KCNC2: variants seen among roughly 807,000 people sequenced by gnomAD.
KCNC2 encodes potassium voltage-gated channel subfamily C member 2.
KCNC2 carries 21 observed loss-of-function variants against 44.5 expected under a neutral mutation model. That is an observed-to-expected ratio of 0.47 (90% CI 0.33 to 0.68). The LOEUF (loss-of-function observed/expected upper bound fraction) is 0.68. KCNC2 is among the 30% of genes least tolerant of loss of function. The pLI is 0.01. For missense variants in KCNC2, 589 were observed against 826.2 expected (o/e 0.71, Z 3.52); for synonymous variants, 391 against 339.1 (o/e 1.15, Z -1.68).
intron 2 of KCNC2, among the ~76,000 whole-genome samples, chr12:75,113,800 C>T (rs920964828): frequency 3.9e-5 from 6 of 152,126 alleles, no homozygotes; most frequent in Non-Finnish European, 7.4e-5. Context: ...TGTCCATGTC[C>T]TTTACAGGGC....
chr12:75,115,961 A>G (rs1295481827), intron 2 of KCNC2, among the ~76,000 whole-genome samples: 1 of 152,154 alleles, frequency 6.6e-6, no homozygotes, highest in African/African-American at 2.4e-5. Flanking sequence ...CGCAGCAACT[A>G]TAATTTATTT....
chr12:75,190,846 A>G (rs2030135262), intron 2 of KCNC2, among the ~76,000 whole-genome samples: 1 of 152,054 alleles, frequency 6.6e-6, no homozygotes, highest in Non-Finnish European at 1.5e-5. Flanking sequence ...ATTACAAATT[A>G]TATGTATATA....
At chr12:75,176,419 A>G (rs938665485) in intron 2 of KCNC2, among the ~76,000 whole-genome samples, 8 of 151,940 alleles carry the variant, frequency 5.3e-5, no homozygotes, top group Non-Finnish European at 7.4e-5. Flanking sequence ...CACCTAAATC[A>G]GAGTAAAAGT....
In KCNC2 at chr12:75,043,207, C is replaced by A. The variant is rs113788635; in HGVS notation, c.1815G>T (p.Ala605=). 1 of 1,612,188 alleles carries A rather than the reference C, an allele frequency of 6.2e-7. No homozygotes were observed. The highest frequency in any genetic ancestry group is 1.1e-5 in the South Asian group (1 of 91,058). The change falls in exon 5 of 5, where the codon GCG becomes GCT. Residue 605 remains alanine, a synonymous_variant. Transcript: ENST00000549446. ...GCCTCAGAGCATTGCCTGCCAAGCC[C>A]GCTATGTTGTTTAAGCTTCGGGATT... The part of the protein sequence containing the change: ...YEKSRSLNNI[A]GLAGNALRLS...
chr12:75,164,762 T>C (rs1450380190), intron 2 of KCNC2, among the ~76,000 whole-genome samples: 1 of 151,762 alleles, frequency 6.6e-6, no homozygotes, highest in Non-Finnish European at 1.5e-5. Flanking sequence ...GAAAGGTACC[T>C]GGAGTTTTCT....
At chr12:75,166,046 G>A (rs895315861) in intron 2 of KCNC2, among the ~76,000 whole-genome samples, 1 of 151,226 alleles carries the variant, frequency 6.6e-6, no homozygotes, top group Non-Finnish European at 1.5e-5. Context: ...AAAGTTGAAA[G>A]TAAAGAATGG....
intron 2 of KCNC2, among the ~76,000 whole-genome samples, chr12:75,131,332 T>G (rs1221647553): frequency 6.6e-6 from 1 of 152,144 alleles, no homozygotes; most frequent in East Asian, 1.9e-4. Flanking sequence ...TTCCTTACAC[T>G]TAGCAAAAGC....
chr12:75,074,348 T>C (rs1450383246), intron 2 of KCNC2, among the ~76,000 whole-genome samples: 1 of 151,528 alleles, frequency 6.6e-6, no homozygotes, highest in Non-Finnish European at 1.5e-5. Flanking sequence ...ATGGCCAGAT[T>C]TGAGACCCAT....
chr12:75,068,373 CA>C (rs1319432376), intron 2 of KCNC2, among the ~76,000 whole-genome samples: 1 of 152,140 alleles, frequency 6.6e-6, no homozygotes, highest in African/African-American at 2.4e-5. Flanking sequence ...ATCAGCGAAG[CA>C]AGAGAAGACA....
At chr12:75,145,233 A>G (rs759678016) in intron 2 of KCNC2, among the ~76,000 whole-genome samples, 51 of 152,144 alleles carry the variant, frequency 3.4e-4, no homozygotes, top group Non-Finnish European at 4.7e-4. Flanking sequence ...AAGTACCTCA[A>G]ACAATTAATG....
chr12:75,092,037 A>G (rs1390225555), intron 2 of KCNC2, among the ~76,000 whole-genome samples: 1 of 151,554 alleles, frequency 6.6e-6, no homozygotes, highest in Non-Finnish European at 1.5e-5. Flanking sequence ...ATGTTTCTCA[A>G]AATGTACTTT....
chr12:75,107,456 T>A (rs1414836466), intron 2 of KCNC2, among the ~76,000 whole-genome samples: 1 of 152,228 alleles, frequency 6.6e-6, no homozygotes, highest in Admixed American at 6.5e-5. Context: ...AGCGTCTATG[T>A]GTTATCTGAA....
chr12:75,154,380 C>A (rs903985789), intron 2 of KCNC2, among the ~76,000 whole-genome samples: 1 of 151,964 alleles, frequency 6.6e-6, no homozygotes, highest in Non-Finnish European at 1.5e-5. Context: ...ATTTAGGAAA[C>A]CTTAGTTGAG....
intron 2 of KCNC2, among the ~76,000 whole-genome samples, chr12:75,174,466 A>G (rs1435468517): frequency 1.3e-5 from 2 of 151,896 alleles, no homozygotes; most frequent in Non-Finnish European, 2.9e-5. Context: ...AAATAGTAGC[A>G]AATGCCTATT....
intron 2 of KCNC2, among the ~76,000 whole-genome samples, chr12:75,156,537 T>C (rs1420733991): frequency 6.6e-6 from 1 of 151,852 alleles, no homozygotes; most frequent in Admixed American, 6.6e-5. Flanking sequence ...TTAAAGTCAA[T>C]AGGTATTAAA....
intron 2 of KCNC2, among the ~76,000 whole-genome samples, chr12:75,176,322 C>T (rs963975057): frequency 6.6e-6 from 1 of 152,008 alleles, no homozygotes; most frequent in African/African-American, 2.4e-5. Flanking sequence ...TAACTCACCT[C>T]CACAACGTCC....
At chr12:75,064,312 T>C (rs1378224324) in intron 2 of KCNC2, among the ~76,000 whole-genome samples, 2 of 152,130 alleles carry the variant, frequency 1.3e-5, no homozygotes, top group East Asian at 3.9e-4. Flanking sequence ...AGCCAAAATC[T>C]CCCCACATAT....
intron 2 of KCNC2, among the ~76,000 whole-genome samples, chr12:75,126,247 T>C (rs1045641383): frequency 6.6e-6 from 1 of 152,198 alleles, no homozygotes; most frequent in African/African-American, 2.4e-5. Flanking sequence ...TCAGTTAATG[T>C]GTTATCTCCC....
rs34518617 is a variant in KCNC2, at chr12:75,098,756, T to TTAAATAAATAAA, written c.688-47451_688-47440dup. Among the ~76,000 whole-genome samples, 425 of 145,774 alleles carry TTAAATAAATAAA rather than the reference T, an allele frequency of 2.9e-3. 3 individuals carry two copies. Among genetic ancestry groups the TTAAATAAATAAA allele is most frequent in the African/African-American group, 6.1e-3 (239 of 39,290 alleles). ...CCTGGTGACAGAGTGAGACTCTGTC[T>TTAAATAAATAAA]TAAATAAATAAATAAATAAATAAAT... On this transcript the variant is annotated intron_variant, in intron 2 of 4. Transcript: ENST00000549446.
Sources: gnomAD v4.1 joint callset for allele counts (sites outside exome capture counted in the v4.1 genomes callset) on GRCh38, gnomAD v4.1.1 for gene constraint, MANE v1.5 for transcripts, NCBI Gene and HGNC (gene_info 2026-07-23, HGNC 2026-07-21) for gene names.